The following TMC1 variants were observed in gnomAD, a reference collection of about 807,000 sequenced individuals.
TMC1 encodes transmembrane channel-like protein 1.
A neutral mutation model predicts 105.8 loss-of-function variants in TMC1; 84 were observed. The observed-to-expected ratio is 0.79, with a 90% CI of 0.67 to 0.95. The LOEUF is 0.95. TMC1 is among the 40% of genes least tolerant of loss of function. TMC1 has a pLI of 0.00. For missense variants in TMC1, 817 were observed against 914.1 expected, an observed-to-expected ratio of 0.89 and a Z score of 1.37; for synonymous variants, 315 against 311.5, an observed-to-expected ratio of 1.01 and a Z score of -0.12.
At chr9:72,802,931 C>G (rs1162901901) in intron 17 of TMC1, among the ~76,000 whole-genome samples, 1 of 151,986 alleles carries the variant, frequency 6.6e-6, no homozygotes, top group African/African-American at 2.4e-5. Flanking sequence ...CTGAGAAAAT[C>G]CAAAGCAAAT....
At chr9:72,612,308 C>T (rs1178796568) in intron 2 of TMC1, among the ~76,000 whole-genome samples, 1 of 152,058 alleles carries the variant, frequency 6.6e-6, no homozygotes, top group African/African-American at 2.4e-5. Context: ...GTAGCTGGGA[C>T]TACAGGTGTG....
At chr9:72,727,495 G>A (rs1045572573) in intron 8 of TMC1, among the ~76,000 whole-genome samples, 2 of 152,028 alleles carry the variant, frequency 1.3e-5, no homozygotes, top group Admixed American at 6.6e-5. Context: ...AGAATTTTGG[G>A]TGGGTCCTCC....
At chr9:72,707,009 G>C (rs1374121410) in intron 8 of TMC1, among the ~76,000 whole-genome samples, 1 of 151,950 alleles carries the variant, frequency 6.6e-6, no homozygotes, top group African/African-American at 2.4e-5. Flanking sequence ...TCCTGACTTC[G>C]GGTGATCTGC....
chr9:72,617,762 T>C (rs987682886), intron 3 of TMC1, among the ~76,000 whole-genome samples: 4 of 152,188 alleles, frequency 2.6e-5, no homozygotes, highest in African/African-American at 7.2e-5. Flanking sequence ...CCCAAGATGT[T>C]ATAGCTGCAT....
At chr9:72,694,842 T>C in intron 7 of TMC1, 128 bp downstream of exon 7, 5 of 795,790 alleles carry the variant, frequency 6.3e-6, no homozygotes, top group Non-Finnish European at 1.0e-5. Context: ...CTGATGATGC[T>C]ATTTTATTCT....
chr9:72,777,701 C>A (rs1346205505), intron 13 of TMC1, among the ~76,000 whole-genome samples: 1 of 152,196 alleles, frequency 6.6e-6, no homozygotes, highest in African/African-American at 2.4e-5. Context: ...TGTCTTCTTG[C>A]AAGCATGGAC....
intron 5 of TMC1, among the ~76,000 whole-genome samples, chr9:72,686,616 C>T (rs1826384281): frequency 6.6e-6 from 1 of 152,154 alleles, no homozygotes; most frequent in African/African-American, 2.4e-5. Flanking sequence ...GCTTATGACA[C>T]CTTTGCTGAG....
intron 8 of TMC1, among the ~76,000 whole-genome samples, chr9:72,711,885 G>A (rs1426050901): frequency 6.6e-6 from 1 of 152,038 alleles, no homozygotes; most frequent in African/African-American, 2.4e-5. Context: ...TTTCTTCTAG[G>A]GTTTTTACGG....
At chr9:72,575,256 C>T (rs887812668) in intron 1 of TMC1, among the ~76,000 whole-genome samples, 4 of 152,148 alleles carry the variant, frequency 2.6e-5, no homozygotes, top group Admixed American at 2.6e-4. Flanking sequence ...TCTCGGCTCA[C>T]TGCAACCTCT....
chr9:72,549,497 C>T (rs565998483), intron 1 of TMC1, among the ~76,000 whole-genome samples: 24 of 151,890 alleles, frequency 1.6e-4, no homozygotes, highest in Admixed American at 1.4e-3. Context: ...GGCTGGAGTG[C>T]ATTGGCGCGA....
At chr9:72,759,371 C>T (rs1341660196) in intron 12 of TMC1, among the ~76,000 whole-genome samples, 2 of 152,146 alleles carry the variant, frequency 1.3e-5, no homozygotes, top group East Asian at 3.8e-4. Flanking sequence ...CTCCCCAAGT[C>T]CCGTCTCCAG....
At chr9:72,590,409 G>A (rs1439768053) in intron 2 of TMC1, among the ~76,000 whole-genome samples, 1 of 152,182 alleles carries the variant, frequency 6.6e-6, no homozygotes, top group Non-Finnish European at 1.5e-5. Flanking sequence ...CACTGAATCA[G>A]GCAGTGAAAG....
intron 4 of TMC1, among the ~76,000 whole-genome samples, chr9:72,640,864 C>T (rs535618186): frequency 4.1e-4 from 62 of 152,202 alleles, no homozygotes; most frequent in African/African-American, 1.4e-3. Context: ...ATCTCCTGAC[C>T]TCATGATCCA....
In TMC1 at chr9:72,836,547, G is replaced by A. The variant is rs1829129005; in HGVS notation, c.*574G>A. ...TCCTAAAACCTTTGTATTTGGTGCTGGATTCAGTATGAAAAGAAATAGGGT... is the reference window on the plus strand; with the variant it reads ...TCCTAAAACCTTTGTATTTGGTGCTAGATTCAGTATGAAAAGAAATAGGGT... On this transcript the variant is annotated 3_prime_UTR_variant, in exon 24 of 24. Coordinates refer to ENST00000297784, the MANE Select transcript of TMC1 (RefSeq NM_138691.3). 1.3e-5 allele frequency: 2 copies of A among 154,196 alleles called. No homozygotes were observed. The highest frequency in any genetic ancestry group is 4.8e-5 in the African/African-American group (2 of 41,266). 9.6% of individuals were successfully genotyped at this position (154,196 alleles called of 1,614,324 possible). A position where few individuals can be genotyped will look rare whatever the true frequency, so the allele number is the denominator to read the frequency against.
chr9:72,800,406 G>A (rs1828449961), intron 17 of TMC1, among the ~76,000 whole-genome samples: 1 of 152,170 alleles, frequency 6.6e-6, no homozygotes, highest in African/African-American at 2.4e-5. Flanking sequence ...ACTTTAACAA[G>A]CAAAAACATC....
chr9:72,791,767 C>A, intron 15 of TMC1, 119 bp from the exon 16 acceptor site: 1 of 833,120 alleles, frequency 1.2e-6, no homozygotes. Context: ...ATAAAATAGT[C>A]ATTTTTAGTC....
chr9:72,760,149 T>C (rs1232664571), intron 12 of TMC1, among the ~76,000 whole-genome samples: 1 of 152,190 alleles, frequency 6.6e-6, no homozygotes, highest in East Asian at 1.9e-4. Flanking sequence ...ATTGTTATTA[T>C]TAATTTTGCT....
At chr9:72,700,410 T>G in intron 7 of TMC1, 108 bp from the exon 8 acceptor site, 2 of 869,128 alleles carry the variant, frequency 2.3e-6, no homozygotes, top group South Asian at 3.3e-5. Flanking sequence ...TGACTGCATA[T>G]GGTTACATTT....
intron 18 of TMC1, among the ~76,000 whole-genome samples, chr9:72,813,314 G>A (rs1828734049): frequency 6.6e-6 from 1 of 151,996 alleles, no homozygotes; most frequent in Non-Finnish European, 1.5e-5. Context: ...AAAACAATGA[G>A]CACTGACTTT....
Sources: allele counts gnomAD v4.1 joint callset (sites outside exome capture counted in the v4.1 genomes callset), GRCh38; gene constraint gnomAD v4.1.1; transcripts MANE v1.5; gene names NCBI Gene and HGNC (gene_info 2026-07-23, HGNC 2026-07-21).